Variants in IL26 observed in about 807,000 individuals in gnomAD.
The protein encoded by IL26 is interleukin 26.
In IL26, 23 loss-of-function variants were observed where a neutral mutation model predicts 21.7. The ratio of observed to expected loss-of-function variants is 1.06; its 90% CI spans 0.76 to 1.50. The LOEUF is 1.50. Ranked by LOEUF, IL26 falls within the 40% of genes most tolerant of loss-of-function variation. The probability of loss-of-function intolerance (pLI) is 0.00; values close to 1 mark genes in which losing one functional copy is unlikely to be tolerated. For synonymous variants in IL26, 63 were observed against 67.8 expected, an observed-to-expected ratio of 0.93 and a Z score of 0.34; for missense variants, 204 against 196.0, an observed-to-expected ratio of 1.04 and a Z score of -0.24.
chr12:68,203,508 A>T (rs1868444299), intron 3 of IL26, among the ~76,000 whole-genome samples: 1 of 152,230 alleles, frequency 6.6e-6, no homozygotes, highest in Non-Finnish European at 1.5e-5. Flanking sequence ...AAATAGTGTC[A>T]CTATCTAACA....
chr12:68,202,665 T>C (rs1868420985), intron 3 of IL26, among the ~76,000 whole-genome samples: 1 of 151,900 alleles, frequency 6.6e-6, no homozygotes, highest in African/African-American at 2.4e-5. Flanking sequence ...AGGAGAAACC[T>C]CCCCCATGAT....
chr12:68,215,921 T>C (rs1868863638), intron 3 of IL26, among the ~76,000 whole-genome samples: 1 of 151,500 alleles, frequency 6.6e-6, no homozygotes, highest in Non-Finnish European at 1.5e-5. Flanking sequence ...TGGCCTCAAG[T>C]GATCTGCCCA....
At position 68,201,546 on chromosome 12, in the gene IL26, T is replaced by A; in HGVS notation, c.*299A>T. 2 of 229,926 alleles carry A rather than the reference T, an allele frequency of 8.7e-6. No individual in the cohort carries two copies. The highest frequency in any genetic ancestry group is 8.5e-6 in the Non-Finnish European group (1 of 117,978). 14.2% of individuals were successfully genotyped at this position (229,926 alleles called of 1,614,324 possible). A position where few individuals can be genotyped will look rare whatever the true frequency, so the allele number is the denominator to read the frequency against. The stretch of plus-strand genomic sequence containing the variant: ...CCCCACATCCCACTCCACACACAAA[T>A]ATTACACGAGTTAATTCAGGTTACA... On this transcript the variant is annotated 3_prime_UTR_variant, in exon 5 of 5. Coordinates refer to ENST00000229134, the MANE Select transcript of IL26 (RefSeq NM_018402.2).
chr12:68,210,054 G>A (rs10878789), intron 3 of IL26, among the ~76,000 whole-genome samples: 27,704 of 151,522 alleles, frequency 0.18, 3,315 homozygotes, highest in East Asian at 0.55. Context: ...GGCTAAGATG[G>A]TTTCTACTGT....
In IL26 at chr12:68,225,785, C is replaced by T. The variant is rs762111558; in HGVS notation, c.-29G>A. On this transcript the variant is annotated 5_prime_UTR_variant, in exon 1 of 5. It adds an upstream start codon to the 5' untranslated region. Coordinates refer to ENST00000229134, the MANE Select transcript of IL26 (RefSeq NM_018402.2). ...CCTTCACCCCACTCAGCGTGTGTCA[C>T]TCACAGCAGCCCAAGAGATACTAAT... 6.2e-7 allele frequency: 1 copy of T among 1,610,076 alleles called. No homozygotes were observed. Among genetic ancestry groups the T allele is most frequent in the Admixed American group, 1.7e-5 (1 of 59,864 alleles).
chr12:68,205,286 C>T (rs1868506349), intron 3 of IL26, among the ~76,000 whole-genome samples: 1 of 112,984 alleles, frequency 8.9e-6, no homozygotes, highest in South Asian at 3.4e-4. Flanking sequence ...GGTGCACTGA[C>T]CCCCCGCCCC....
intron 3 of IL26, among the ~76,000 whole-genome samples, chr12:68,212,357 C>G (rs186448564): frequency 6.6e-6 from 1 of 151,926 alleles, no homozygotes; most frequent in African/African-American, 2.4e-5. Flanking sequence ...ATTGCTTTGG[C>G]TTTTGGGGGG....
chr12:68,216,107 A>G (rs946228854), intron 3 of IL26, among the ~76,000 whole-genome samples: 3 of 151,676 alleles, frequency 2.0e-5, no homozygotes, highest in African/African-American at 4.8e-5. Flanking sequence ...CCTGGCCAAC[A>G]TGGTGAAACC....
intron 3 of IL26, among the ~76,000 whole-genome samples, chr12:68,214,537 T>C (rs919391647): frequency 1.3e-5 from 2 of 152,230 alleles, no homozygotes; most frequent in Non-Finnish European, 2.9e-5. Flanking sequence ...CATAGATATT[T>C]ATAATTGTTA....
intron 3 of IL26, 113 bp downstream of exon 3, chr12:68,225,036 C>A: frequency 9.2e-7 from 1 of 1,084,218 alleles, no homozygotes; most frequent in Non-Finnish European, 1.3e-6. Context: ...GACTACAAGC[C>A]AACAATTACA....
intron 3 of IL26, among the ~76,000 whole-genome samples, chr12:68,208,482 CTT>C (rs1868607716): frequency 1.8e-5 from 2 of 108,510 alleles, no homozygotes; most frequent in African/African-American, 2.1e-4. Context: ...AAAGCATTTT[CTT>C]TCTTTCTTTC....
At chr12:68,207,938 A>G (rs755674924) in intron 3 of IL26, among the ~76,000 whole-genome samples, 18 of 152,350 alleles carry the variant, frequency 1.2e-4, no homozygotes, top group Non-Finnish European at 2.5e-4. Flanking sequence ...TAGGATACAC[A>G]TCTCATCTGC....
Position 68,202,053 on chromosome 12 carries a change from T to C in IL26, c.394A>G (p.Lys132Glu). 6.3e-7 allele frequency: 1 copy of C among 1,586,808 alleles called. No homozygotes were observed. The highest frequency in any genetic ancestry group is 2.2e-5 in the East Asian group (1 of 44,464). ...ISCASSAREM[K>E]SITRMKRIFY... is the part of the protein sequence containing the mutation. ...ATTCTTTTCATCCTGGTAATGGATT[T>C]CATCTCTCTAGCTGATGAAGCACAG... Residue 132 changes from lysine (K) to glutamate (E), a missense_variant, in exon 4 of 5, where the codon AAA becomes GAA. Lys to Glu is a moderately conservative substitution (Grantham distance 56). Transcript: ENST00000229134.
At chr12:68,202,623 T>A (rs11571062) in intron 3 of IL26, among the ~76,000 whole-genome samples, 3,074 of 152,238 alleles carry the variant, frequency 0.02, 95 homozygotes, top group African/African-American at 0.071. Flanking sequence ...TCAGATTTCA[T>A]GAGAATTCAT....
At chr12:68,219,284 T>C (rs1000371251) in intron 3 of IL26, among the ~76,000 whole-genome samples, 5 of 151,996 alleles carry the variant, frequency 3.3e-5, no homozygotes, top group African/African-American at 1.2e-4. Context: ...TTCTGGGTTA[T>C]GAAACATGGA....
At chr12:68,214,205 G>A (rs2120451111) in intron 3 of IL26, among the ~76,000 whole-genome samples, 1 of 152,162 alleles carries the variant, frequency 6.6e-6, no homozygotes, top group African/African-American at 2.4e-5. Flanking sequence ...ATTCCATTGT[G>A]GTCAGAAAAG....
intron 3 of IL26, among the ~76,000 whole-genome samples, chr12:68,204,446 A>G (rs1339553104): frequency 6.6e-6 from 1 of 152,104 alleles, no homozygotes; most frequent in African/African-American, 2.4e-5. Flanking sequence ...CCTGGCCAGG[A>G]TTTAAAGATT....
intron 3 of IL26, among the ~76,000 whole-genome samples, chr12:68,212,230 T>C (rs569302549): frequency 4.6e-5 from 7 of 152,278 alleles, no homozygotes; most frequent in Admixed American, 1.3e-4. Flanking sequence ...TTCTTTTCTA[T>C]TGGTCTATGT....
chr12:68,217,250 A>G (rs1052089726), intron 3 of IL26, among the ~76,000 whole-genome samples: 23 of 152,214 alleles, frequency 1.5e-4, no homozygotes, highest in African/African-American at 5.3e-4. Context: ...GGAGTCTATC[A>G]TGATAATTTG....
Sources: allele counts gnomAD v4.1 joint callset (sites outside exome capture counted in the v4.1 genomes callset), GRCh38; gene constraint gnomAD v4.1.1; transcripts MANE v1.5; gene names NCBI Gene and HGNC (gene_info 2026-07-23, HGNC 2026-07-21).